PIBF1: variants seen among roughly 807,000 people sequenced by gnomAD.
PIBF1 encodes progesterone-induced-blocking factor 1.
PIBF1 carries 90 observed loss-of-function variants against 112.5 expected under a neutral mutation model. The observed-to-expected ratio is 0.80, with a 90% confidence interval of 0.67 to 0.95. The LOEUF is 0.95. PIBF1 is among the 40% of genes least tolerant of loss of function. The pLI is 0.00. For synonymous variants in PIBF1, 301 were observed against 288.6 expected (o/e 1.04, Z -0.44); for missense variants, 915 against 852.3 (o/e 1.07, Z -0.92).
intron 9 of PIBF1, among the ~76,000 whole-genome samples, chr13:72,846,550 G>C (rs9573045): frequency 1.3e-5 from 2 of 151,958 alleles, no homozygotes; most frequent in Admixed American, 6.6e-5. Flanking sequence ...ACAGTGGCCT[G>C]TGATCCTACC....
intron 14 of PIBF1, among the ~76,000 whole-genome samples, chr13:72,939,102 C>T (rs2041946034): frequency 3.3e-5 from 5 of 152,058 alleles, no homozygotes; most frequent in Admixed American, 3.3e-4. Flanking sequence ...ATATTTTCTC[C>T]CATTCTGTGT....
At chr13:72,868,684 A>G (rs1416471021) in intron 10 of PIBF1, among the ~76,000 whole-genome samples, 2 of 152,132 alleles carry the variant, frequency 1.3e-5, no homozygotes, top group Non-Finnish European at 2.9e-5. Context: ...TCTTCATTAT[A>G]GAAACAACCT....
intron 17 of PIBF1, among the ~76,000 whole-genome samples, chr13:72,999,556 G>A (rs2043790439): frequency 6.6e-6 from 1 of 152,044 alleles, no homozygotes; most frequent in Non-Finnish European, 1.5e-5. Context: ...AAACCAGAAA[G>A]ATTTTCTCTG....
Position 72,996,092 on chromosome 13 carries a change from G to C in PIBF1, c.2050-2730G>C, listed in dbSNP as rs1214878839. The stretch of plus-strand genomic sequence containing the variant: ...TCATAACAAAAAAAAAAAAGCGGGG[G>C]GGGGGGGTCATAAACAAAGTCAAGT... On this transcript the variant is annotated intron_variant, in intron 16 of 17. Transcript: ENST00000326291. 3.3e-5 allele frequency among the ~76,000 whole-genome samples: 4 copies of C among 121,934 alleles called. 2 individuals carry two copies. The highest frequency in any genetic ancestry group is 5.7e-4 in the East Asian group (2 of 3,538). The allele number at this position is 121,934 out of a possible 152,430, so 80.0% of individuals were successfully genotyped here. A position where few individuals can be genotyped will look rare whatever the true frequency, so the allele number is the denominator to read the frequency against.
intron 13 of PIBF1, among the ~76,000 whole-genome samples, chr13:72,923,381 A>C (rs2041366150): frequency 6.6e-6 from 1 of 152,156 alleles, no homozygotes; most frequent in Non-Finnish European, 1.5e-5. Context: ...CCTTGGAGGA[A>C]TACTAATTTG....
At chr13:72,825,131 T>C (rs1189057783) in intron 6 of PIBF1, among the ~76,000 whole-genome samples, 1 of 152,084 alleles carries the variant, frequency 6.6e-6, no homozygotes, top group African/African-American at 2.4e-5. Flanking sequence ...TATAATATGA[T>C]GATAATAGAT....
At chr13:72,956,924 C>T (rs1174146484) in intron 14 of PIBF1, among the ~76,000 whole-genome samples, 1 of 152,144 alleles carries the variant, frequency 6.6e-6, no homozygotes, top group Non-Finnish European at 1.5e-5. Context: ...TGCTCAACAT[C>T]ACTAATTATC....
intron 16 of PIBF1, among the ~76,000 whole-genome samples, chr13:72,974,861 T>A (rs2042980875): frequency 6.6e-6 from 1 of 152,186 alleles, no homozygotes; most frequent in Middle Eastern, 3.2e-3. Context: ...TGTTTAAGTT[T>A]ATAAGCAACT....
rs2039060983 is a variant in PIBF1, at chr13:72,869,396, C to G, written c.1322+15241C>G. Among the ~76,000 whole-genome samples, 3 of 140,180 alleles carry G rather than the reference C, an allele frequency of 2.1e-5. No individual in the cohort carries two copies. The Admixed American group carries it at 2.4e-4, about 11-fold the overall frequency. The allele number at this position is 140,180 out of a possible 152,430, so 92.0% of individuals were successfully genotyped here. On this transcript the variant is annotated intron_variant, in intron 10 of 17. Coordinates refer to ENST00000326291, the MANE Select transcript of PIBF1 (RefSeq NM_006346.4). ...AAACCAAGCACTGCATGTTCTCACTCATGGATGGGAATTGAACAATGAGAG... is the reference window on the plus strand; with the variant it reads ...AAACCAAGCACTGCATGTTCTCACTGATGGATGGGAATTGAACAATGAGAG...
At chr13:72,822,858 G>T (rs1030023249) in intron 6 of PIBF1, among the ~76,000 whole-genome samples, 4 of 152,204 alleles carry the variant, frequency 2.6e-5, no homozygotes, top group Non-Finnish European at 5.9e-5. Context: ...GCCAAAATAT[G>T]ATAATTATTG....
intron 17 of PIBF1, among the ~76,000 whole-genome samples, chr13:73,001,582 C>CTTTTTGTTTTTTTTTTTTT (rs1555331970): frequency 6.9e-5 from 2 of 29,160 alleles, no homozygotes; most frequent in Non-Finnish European, 7.5e-5. Flanking sequence ...AAGAGCTTGA[C>CTTTTTGTTTTTTTTTTTTT]TTTTTTTTTT....
chr13:72,960,138 G>A (rs1439226500), intron 14 of PIBF1, among the ~76,000 whole-genome samples: 4 of 152,232 alleles, frequency 2.6e-5, no homozygotes, highest in African/African-American at 9.6e-5. Context: ...AAATGTATCT[G>A]TAACACTAAC....
chr13:72,833,919 A>G (rs1267913779), intron 8 of PIBF1, among the ~76,000 whole-genome samples: 1 of 152,094 alleles, frequency 6.6e-6, no homozygotes, highest in Non-Finnish European at 1.5e-5. Flanking sequence ...ATTTTCTTAC[A>G]CAATATTACT....
chr13:72,866,205 G>A (rs1259236446), intron 10 of PIBF1, among the ~76,000 whole-genome samples: 1 of 152,070 alleles, frequency 6.6e-6, no homozygotes, highest in Non-Finnish European at 1.5e-5. Context: ...ATTCAGGACA[G>A]GTCTCTCATC....
intron 1 of PIBF1, 104 bp from the exon 2 acceptor site, chr13:72,783,319 T>A (rs1362307847): frequency 5.0e-6 from 3 of 595,522 alleles, no homozygotes; most frequent in Non-Finnish European, 8.8e-6. Flanking sequence ...TGCACTAAAT[T>A]GCCTAATATT....
chr13:72,903,963 C>T (rs1384088043), intron 11 of PIBF1, among the ~76,000 whole-genome samples: 1 of 152,128 alleles, frequency 6.6e-6, no homozygotes, highest in East Asian at 1.9e-4. Flanking sequence ...ACCATTTATG[C>T]TCAGTACCAA....
chr13:72,999,004 A>G lies in PIBF1; in HGVS notation c.2223+9A>G, dbSNP rs2139028398. 1.3e-6 allele frequency: 2 copies of G among 1,511,012 alleles called. No homozygotes were observed. Among genetic ancestry groups the G allele is most frequent in the South Asian group, 1.2e-5 (1 of 80,764 alleles). 93.6% of individuals were successfully genotyped at this position (1,511,012 alleles called of 1,614,324 possible). On this transcript the variant is annotated intron_variant, in intron 17 of 17. Transcript: ENST00000326291. ...CTAAACCAACACTCTTTGTAAGTAC[A>G]ATTTTTAAAACTCATAATTTTAATA... is the stretch of plus-strand genomic sequence containing the variant.
intron 10 of PIBF1, among the ~76,000 whole-genome samples, chr13:72,884,067 C>T (rs1049005610): frequency 6.6e-5 from 10 of 152,068 alleles, no homozygotes; most frequent in Admixed American, 2.0e-4. Context: ...CATTGTATGC[C>T]TGTATCAAAA....
chr13:72,987,840 TTATTTATTTATTTATTTA>T, intron 16 of PIBF1, among the ~76,000 whole-genome samples: 2 of 93,522 alleles, frequency 2.1e-5, no homozygotes, highest in Non-Finnish European at 3.7e-5. Context: ...TTTTTGTAAT[TTATTTATTTATTTATTTA>T]TTTTTTTTTT....
Sources: allele counts gnomAD v4.1 joint callset (sites outside exome capture counted in the v4.1 genomes callset), GRCh38; gene constraint gnomAD v4.1.1; transcripts MANE v1.5; gene names NCBI Gene and HGNC (gene_info 2026-07-23, HGNC 2026-07-21).